Variants in CACNA2D3 observed in about 807,000 individuals in gnomAD.
CACNA2D3 encodes calcium voltage-gated channel auxiliary subunit alpha2delta 3, also known as voltage-dependent calcium channel subunit alpha-2/delta-3.
Under a neutral mutation model 160.6 loss-of-function variants are expected in CACNA2D3, and 60 were observed. That is an observed-to-expected ratio of 0.37 (90% CI 0.30 to 0.46). CACNA2D3 has a LOEUF of 0.46. CACNA2D3 is among the 20% of genes least tolerant of loss of function. The pLI is 1.00. For synonymous variants in CACNA2D3, 558 were observed against 492.9 expected, an observed-to-expected ratio of 1.13 and a Z score of -1.75; for missense variants, 1,205 against 1,365.0, an observed-to-expected ratio of 0.88 and a Z score of 1.85.
chr3:54,638,293 A>G (rs1169296793), intron 10 of CACNA2D3: 2 of 152,068 alleles, frequency 1.3e-5, no homozygotes, highest in East Asian at 3.9e-4. Flanking sequence ...TTTATATTTG[A>G]TGAAAAAGAG....
intron 4 of CACNA2D3, among the ~76,000 whole-genome samples, chr3:54,390,438 G>A (rs1699259728): frequency 1.3e-5 from 2 of 152,142 alleles, no homozygotes; most frequent in South Asian, 2.1e-4. Flanking sequence ...CAAGGAAAGG[G>A]AGCTAAAGTT....
intron 2 of CACNA2D3, among the ~76,000 whole-genome samples, chr3:54,212,361 CAGGTTAT>C (rs1036745786): frequency 6.6e-6 from 1 of 152,052 alleles, no homozygotes; most frequent in Non-Finnish European, 1.5e-5. Flanking sequence ...AGGGAGCTTC[CAGGTTAT>C]AGGTAGATTT....
chr3:54,628,562 G>A (rs1270051501), intron 10 of CACNA2D3, among the ~76,000 whole-genome samples: 1 of 152,094 alleles, frequency 6.6e-6, no homozygotes, highest in Admixed American at 6.5e-5. Flanking sequence ...AGCAACCCTA[G>A]GAGGGCAAGG....
At chr3:54,287,734 C>A (rs1703070863) in intron 2 of CACNA2D3, among the ~76,000 whole-genome samples, 1 of 146,488 alleles carries the variant, frequency 6.8e-6, no homozygotes, top group Admixed American at 6.8e-5. Flanking sequence ...ATCTCTCAGA[C>A]CACAGTGCAA....
intron 4 of CACNA2D3, among the ~76,000 whole-genome samples, chr3:54,498,123 C>G (rs1000822070): frequency 6.6e-5 from 10 of 150,988 alleles, no homozygotes; most frequent in Non-Finnish European, 1.5e-4. Flanking sequence ...ATTTTCTCCT[C>G]TAATTTTCCT....
rs572061696 is a variant in CACNA2D3 at position 54,770,283 on chromosome 3, A to G, written c.1380+5932A>G. ...TCAATGGCTAAAAATGTCAAATCCTAGAGAATGTTGCATTCCTACACATGA... is the reference window on the plus strand; with the variant it reads ...TCAATGGCTAAAAATGTCAAATCCTGGAGAATGTTGCATTCCTACACATGA... On this transcript the variant is annotated intron_variant, in intron 13 of 37. Transcript: ENST00000474759. 6.6e-5 allele frequency among the ~76,000 whole-genome samples: 10 copies of G among 152,334 alleles called. No individual in the cohort carries two copies. The East Asian group carries it at 1.9e-3, about 29-fold the overall frequency.
At chr3:54,759,838 C>T (rs984512719) in intron 12 of CACNA2D3, among the ~76,000 whole-genome samples, 5 of 152,212 alleles carry the variant, frequency 3.3e-5, no homozygotes, top group African/African-American at 7.2e-5. Flanking sequence ...GAGGCAGTGT[C>T]TTCAGTGGTT....
intron 4 of CACNA2D3, among the ~76,000 whole-genome samples, chr3:54,387,667 TA>T (rs1017199977): frequency 3.3e-5 from 5 of 151,864 alleles, no homozygotes; most frequent in Non-Finnish European, 5.9e-5. Context: ...AATAAGTAAG[TA>T]AGTAAGTAAG....
At chr3:54,957,215 A>G (rs1701920844) in intron 27 of CACNA2D3, among the ~76,000 whole-genome samples, 1 of 151,472 alleles carries the variant, frequency 6.6e-6, no homozygotes, top group Non-Finnish European at 1.5e-5. Context: ...GCTGGAGTTC[A>G]GTGGCACAAT....
rs558972316 is a variant in CACNA2D3, at chr3:54,254,755, C to T, written c.205-65687C>T. On this transcript the variant is annotated intron_variant, in intron 2 of 37. Transcript: ENST00000474759. The stretch of plus-strand genomic sequence containing the variant: ...GTAAAAATCTTCCTTGTCAGAAATT[C>T]ACAGGAATCAACAAGGAAGATATGG... Among the ~76,000 whole-genome samples, 3 of 152,274 alleles carry T rather than the reference C, an allele frequency of 2.0e-5. 1 individual carries two copies. In the South Asian group the frequency reaches 6.2e-4, roughly 32 times the overall value.
chr3:55,072,122 A>G (rs1055639540), intron 35 of CACNA2D3, among the ~76,000 whole-genome samples: 4 of 152,276 alleles, frequency 2.6e-5, no homozygotes, highest in African/African-American at 9.6e-5. Context: ...GCAAGACTGA[A>G]TATTTTTCTG....
intron 27 of CACNA2D3, among the ~76,000 whole-genome samples, chr3:54,909,184 A>G (rs997156327): frequency 5.9e-5 from 9 of 152,202 alleles, no homozygotes; most frequent in Admixed American, 1.3e-4. Flanking sequence ...ATATGTTTTC[A>G]TTGTAAGTCA....
chr3:54,956,376 G>A (rs971652665), intron 27 of CACNA2D3, among the ~76,000 whole-genome samples: 2 of 152,202 alleles, frequency 1.3e-5, no homozygotes, highest in Admixed American at 6.5e-5. Flanking sequence ...CCACCAAGGG[G>A]ACAATTTTGC....
At chr3:54,432,570 C>A (rs9818719) in intron 4 of CACNA2D3, among the ~76,000 whole-genome samples, 3,373 of 152,216 alleles carry the variant, frequency 0.022, 57 homozygotes, top group South Asian at 0.057. Flanking sequence ...TCTAAGTGTT[C>A]AGTGCCAGCG....
At chr3:54,328,857 C>G (rs967150193) in intron 3 of CACNA2D3, among the ~76,000 whole-genome samples, 1 of 152,190 alleles carries the variant, frequency 6.6e-6, no homozygotes, top group African/African-American at 2.4e-5. Flanking sequence ...GACAGGCTAA[C>G]TAGCACTAAG....
At chr3:54,582,021 G>C in intron 9 of CACNA2D3, 144 bp downstream of exon 9, 1 of 612,326 alleles carries the variant, frequency 1.6e-6, no homozygotes, top group Non-Finnish European at 2.8e-6. Context: ...TATTTATTAA[G>C]AGCACAAAGA....
chr3:54,196,947 T>G (rs1264522220), intron 2 of CACNA2D3, among the ~76,000 whole-genome samples: 3 of 152,246 alleles, frequency 2.0e-5, no homozygotes, highest in African/African-American at 4.8e-5. Context: ...TGAGATCCAA[T>G]GTAAAACGTG....
intron 11 of CACNA2D3, among the ~76,000 whole-genome samples, chr3:54,730,513 C>T (rs907500233): frequency 6.6e-6 from 1 of 152,076 alleles, no homozygotes; most frequent in Admixed American, 6.5e-5. Context: ...TCTTTCCTTT[C>T]TTTCTTTTTG....
chr3:54,996,343 C>G (rs765739441), intron 31 of CACNA2D3, among the ~76,000 whole-genome samples: 12 of 152,206 alleles, frequency 7.9e-5, no homozygotes, highest in Non-Finnish European at 1.8e-4. Flanking sequence ...AATTGTGATT[C>G]CATTTTCCCC....
Sources: allele counts gnomAD v4.1 joint callset (sites outside exome capture counted in the v4.1 genomes callset), GRCh38; gene constraint gnomAD v4.1.1; transcripts MANE v1.5; gene names NCBI Gene and HGNC (gene_info 2026-07-23, HGNC 2026-07-21).